ANO8: variants seen among roughly 807,000 people sequenced by gnomAD.
ANO8 encodes anoctamin 8.
Under a neutral mutation model 120.4 loss-of-function variants are expected in ANO8, and 67 were observed. The ratio of observed to expected loss-of-function variants is 0.56; its 90% confidence interval spans 0.46 to 0.68. The LOEUF is 0.68. ANO8 is among the 30% of genes least tolerant of loss of function. The probability of loss-of-function intolerance (pLI) is 0.00; values close to 1 mark genes in which losing one functional copy is unlikely to be tolerated. For synonymous variants in ANO8, 727 were observed against 759.2 expected (o/e 0.96, Z 0.70); for missense variants, 1,526 against 1,737.6 (o/e 0.88, Z 2.16).
chr19:17,331,243 AC>A (rs748423992), intron 6 of ANO8, 28 bp from the exon 7 acceptor site: 3 of 1,613,620 alleles, frequency 1.9e-6, no homozygotes, highest in Non-Finnish European at 2.5e-6. Flanking sequence ...GGTCTCAGTC[AC>A]CCCCTGCCTG....
chr19:17,325,636 T>C (rs1484009014), intron 16 of ANO8, among the ~76,000 whole-genome samples: 1 of 152,234 alleles, frequency 6.6e-6, no homozygotes, highest in East Asian at 1.9e-4. Flanking sequence ...GAGGCTTAAA[T>C]GCTTATTGGG....
In ANO8 at chr19:17,333,065, C is replaced by T; in HGVS notation, c.489+36G>A. 7 of 1,613,956 alleles carry T rather than the reference C, an allele frequency of 4.3e-6. No individual in the cohort carries two copies. Among genetic ancestry groups the T allele is most frequent in the South Asian group, 1.1e-5 (1 of 91,082 alleles). On this transcript the variant is annotated intron_variant, in intron 4 of 17. Coordinates refer to ENST00000159087, the MANE Select transcript of ANO8 (RefSeq NM_020959.3). The surrounding 1 kb of genome is among the most constrained non-coding windows in gnomAD (Gnocchi z 7.2). ...GGCGTGAGCTCAGGGAACTCATAGG[C>T]ACAGGATGCATGCGGGGGCCCAGAG... is the stretch of plus-strand genomic sequence containing the variant.
chr19:17,324,896 G>C lies in ANO8; in HGVS notation c.3152C>G (p.Ala1051Gly). 6.2e-7 allele frequency: 1 copy of C among 1,613,464 alleles called. No individual in the cohort carries two copies. Among genetic ancestry groups the C allele is most frequent in the Non-Finnish European group, 8.5e-7 (1 of 1,179,866 alleles). The part of the protein sequence containing the change: ...RSHSPPKAFH[A>G]GKLFPFGGTR... ...GCCACCAAAGGGGAAGAGCTTGCCA[G>C]CATGGAAGGCTTTGGGCGGTGAGTG... The change falls in exon 17 of 18, where the codon GCT becomes GGT. Residue 1051 changes from alanine to glycine, a missense_variant. Ala to Gly is a moderately conservative substitution (Grantham distance 60). This residue lies in a region of ANO8 where 489 missense variants were observed against 548.6 expected (regional missense o/e 0.89). Transcript: ENST00000159087.
In ANO8 at chr19:17,331,314, C is replaced by T. The variant is rs1272013180; in HGVS notation, c.684G>A (p.Val228=). 1 of 1,614,172 alleles carries T rather than the reference C, an allele frequency of 6.2e-7. No individual in the cohort carries two copies. Among genetic ancestry groups the T allele is most frequent in the Non-Finnish European group, 8.5e-7 (1 of 1,180,032 alleles). Reference sequence around the variant, plus strand: ...CAGCACCTAGAGGCTGGTTTTCACACACGGCCTGCACCCATGACTTCATGA... The same window carrying T: ...CAGCACCTAGAGGCTGGTTTTCACATACGGCCTGCACCCATGACTTCATGA... ...NRLMKSWVQA[V]CENQPLDDIC... Residue 228 remains valine, a synonymous_variant, in exon 6 of 18, where the codon GTG becomes GTA. Transcript: ENST00000159087.
At position 17,333,613 on chromosome 19, in the gene ANO8, G is replaced by A. The variant is rs1318566915; in HGVS notation, c.218-59C>T. The A allele has an allele frequency of 2.6e-6, 4 of 1,538,016 alleles. No homozygotes were observed. The highest frequency in any genetic ancestry group is 1.5e-5 in the African/African-American group (1 of 65,262). ...CACGAGGGGGCCCAAGGCCTCCTACGTATTCCCGTTCTGGGAAGCCGAGCT... is the reference window on the plus strand; with the variant it reads ...CACGAGGGGGCCCAAGGCCTCCTACATATTCCCGTTCTGGGAAGCCGAGCT... On this transcript the variant is annotated intron_variant, in intron 2 of 17. Coordinates refer to ENST00000159087, the MANE Select transcript of ANO8 (RefSeq NM_020959.3). The surrounding 1 kb of genome is among the most constrained non-coding windows in gnomAD (Gnocchi z 7.2).
Position 17,333,955 on chromosome 19 carries a change from A to C in ANO8, c.107-155T>G, listed in dbSNP as rs981866532. Among the ~76,000 whole-genome samples the C allele has an allele frequency of 6.6e-6, 1 of 151,822 alleles. No individual in the cohort carries two copies. The highest frequency in any genetic ancestry group is 1.5e-5 in the Non-Finnish European group (1 of 67,950). On this transcript the variant is annotated intron_variant, in intron 1 of 17. Transcript: ENST00000159087. The surrounding 1 kb of genome is among the most constrained non-coding windows in gnomAD (Gnocchi z 7.2). ...GGGCTTGGCTTATTTTCCTCCCTCC[A>C]CGTCCTTGTACCAGCCAGGCCTTCC...
Position 17,330,462 on chromosome 19 carries a change from A to G in ANO8, c.1036T>C (p.Tyr346His), listed in dbSNP as rs1157447524. The G allele has an allele frequency of 4.5e-6, 7 of 1,561,248 alleles. No homozygotes were observed. Among genetic ancestry groups the G allele is most frequent in the Non-Finnish European group, 6.1e-6 (7 of 1,153,034 alleles). Reference protein sequence around the residue: ...ISPITRAEEFYYPPWKRLLFQ... With the variant: ...ISPITRAEEFHYPPWKRLLFQ... ...AGCAGCCGCTTCCAGGGCGGGTAGT[A>G]GAACTCCTCGGCCCGCGTGATGGGG... Residue 346 changes from tyrosine to histidine, a missense_variant, in exon 9 of 18, where the codon TAC becomes CAC. Physicochemically the swap from Tyr to His is moderately conservative, Grantham distance 83. Around this residue, in one of 8 missense-constraint regions of ANO8, gnomAD observed 4 missense variants for 16.2 expected, o/e 0.25. Transcript: ENST00000159087.
rs1190811139 is a variant in ANO8, at chr19:17,327,248, C to T, written c.2648G>A (p.Arg883His). ...TGGCCCCCCTACCTTAAAGGCCTCG[C>T]GGCGCTGGTACTCCAGCTTGGCCAT... is the stretch of plus-strand genomic sequence containing the variant. ...EEMAKLEYQRREAFKRHERQA... is the reference protein window; with the variant it reads ...EEMAKLEYQRHEAFKRHERQA... The change falls in exon 16 of 18, where the codon CGC (arginine) becomes CAC (histidine). Residue 883 changes from arginine (R) to histidine (H), a missense_variant. This residue lies in a region of ANO8 where 489 missense variants were observed against 548.6 expected (regional missense o/e 0.89). Coordinates refer to ENST00000159087, the MANE Select transcript of ANO8 (RefSeq NM_020959.3). 2 of 1,544,784 alleles carry T rather than the reference C, an allele frequency of 1.3e-6. No individual in the cohort carries two copies. Among genetic ancestry groups the T allele is most frequent in the Non-Finnish European group, 1.7e-6 (2 of 1,143,556 alleles).
At chr19:17,323,964 C>T in intron 17 of ANO8, 80 bp from the exon 18 acceptor site, 1 of 1,054,960 alleles carries the variant, frequency 9.5e-7, no homozygotes, top group Non-Finnish European at 1.1e-6. Context: ...GCCCGCGCTC[C>T]CTCCCGGGCA....
rs189385312 is a variant in ANO8, at chr19:17,329,138, G to A, written c.1405-155C>T. 2.6e-5 allele frequency: 15 copies of A among 567,986 alleles called. No homozygotes were observed. In the Admixed American group the frequency reaches 3.7e-4, roughly 14 times the overall value. 35.2% of individuals were successfully genotyped at this position (567,986 alleles called of 1,614,324 possible). ...TCCGCTGCTTTGGACGCGCCTCGAC[G>A]CGAGGCCCCCAGCGCTCAGCCACAA... On this transcript the variant is annotated intron_variant, in intron 12 of 17. Coordinates refer to ENST00000159087, the MANE Select transcript of ANO8 (RefSeq NM_020959.3).
Position 17,328,917 on chromosome 19 carries a change from G to C in ANO8, c.1471C>G (p.Leu491Val), listed in dbSNP as rs772636728. The C allele has an allele frequency of 1.3e-6, 2 of 1,513,194 alleles. No homozygotes were observed. The allele number at this position is 1,513,194 out of a possible 1,614,324, so 93.7% of individuals were successfully genotyped here. A position where few individuals can be genotyped will look rare whatever the true frequency, so the allele number is the denominator to read the frequency against. The stretch of plus-strand genomic sequence containing the variant: ...TCGCCGCGGCCCAGGCGCCGGTACA[G>C]GTGCGGCTGCAGGACCTCGCGCACG... The part of the protein sequence containing the change: ...QNVREVLQPH[L>V]YRRLGRGELG... Residue 491 changes from leucine (L) to valine (V), a missense_variant, in exon 13 of 18, where the codon CTG becomes GTG. By Grantham distance (32) the Leu-to-Val change is conservative. Around this residue, in one of 8 missense-constraint regions of ANO8, gnomAD observed 467 missense variants for 425.8 expected, o/e 1.10. Transcript: ENST00000159087.
At chr19:17,334,434 G>GC (rs1365407599) in intron 1 of ANO8, 131 bp downstream of exon 1, 5 of 840,260 alleles carry the variant, frequency 6.0e-6, no homozygotes, top group Non-Finnish European at 9.0e-6. Flanking sequence ...CAGCCGCAGT[G>GC]CCGGGAGGAG....
chr19:17,327,383 C>T (rs763978088), intron 15 of ANO8, 38 bp from the exon 16 acceptor site: 163 of 1,552,644 alleles, frequency 1.0e-4, no homozygotes, highest in Non-Finnish European at 1.4e-4. Flanking sequence ...AGGCTGCAGA[C>T]GCTGGGGCCG....
At chr19:17,329,432 A>G (rs1054545856) in intron 12 of ANO8, 8 of 409,632 alleles carry the variant, frequency 2.0e-5, no homozygotes, top group African/African-American at 1.6e-4. Flanking sequence ...CGCGAGCAGG[A>G]GGCCCCGGAG....
Position 17,333,475 on chromosome 19 carries a change from G to C in ANO8, c.297C>G (p.Arg99=). ...VGIPELIVQV[R]HHRHTRAYAF... ...CGTAGGCACGCGTGTGGCGGTGGTG[G>C]CGGACTTGCACGATGAGCTCGGGAA... The change falls in exon 3 of 18, where the codon CGC becomes CGG. Residue 99 remains arginine (R), a synonymous_variant. Transcript: ENST00000159087. The surrounding 1 kb of genome is among the most constrained non-coding windows in gnomAD (Gnocchi z 7.2). The C allele has an allele frequency of 6.2e-7, 1 of 1,613,350 alleles. No individual in the cohort carries two copies. Among genetic ancestry groups the C allele is most frequent in the Non-Finnish European group, 8.5e-7 (1 of 1,179,996 alleles).
chr19:17,325,256 C>T lies in ANO8; in HGVS notation c.2792G>A (p.Arg931Lys). 1 of 1,608,686 alleles carries T rather than the reference C, an allele frequency of 6.2e-7. No homozygotes were observed. The highest frequency in any genetic ancestry group is 1.1e-5 in the South Asian group (1 of 91,056). Residue 931 changes from arginine to lysine, a missense_variant, in exon 17 of 18, where the codon AGG becomes AAG. Around this residue, in one of 8 missense-constraint regions of ANO8, gnomAD observed 489 missense variants for 548.6 expected, o/e 0.89. Coordinates refer to ENST00000159087, the MANE Select transcript of ANO8 (RefSeq NM_020959.3). ...EHDSGGREEA[R>K]AEGSGLDPAT... is the part of the protein sequence containing the mutation. ...AGGGTCCAGCCCAGAGCCCTCGGCC[C>T]TCGCCTCCTCTCGGCCACCAGAATC...
rs544960023 is a variant in ANO8 at position 17,330,501 on chromosome 19, C to A, written c.997G>T (p.Val333Leu). Residue 333 changes from valine to leucine, a missense_variant, in exon 9 of 18, where the codon GTG becomes TTG. Physicochemically the swap from Val to Leu is conservative, Grantham distance 32. Coordinates refer to ENST00000159087, the MANE Select transcript of ANO8 (RefSeq NM_020959.3). ...CGCGTGATGGGGCTGATACGTCGCA[C>A]GCCCTGATGGTGGGCAAAGACCGGG... ...VEEPRPQFRG[V>L]RRISPITRAE... The A allele has an allele frequency of 1.3e-5, 20 of 1,522,016 alleles. No individual in the cohort carries two copies. In the South Asian group the frequency reaches 2.2e-4, roughly 16 times the overall value. The allele number at this position is 1,522,016 out of a possible 1,614,324, so 94.3% of individuals were successfully genotyped here. A position where few individuals can be genotyped will look rare whatever the true frequency, so the allele number is the denominator to read the frequency against.
rs2074304485 is a variant in ANO8 at position 17,329,962 on chromosome 19, G to T, written c.1326C>A (p.Val442=). 1 of 1,613,922 alleles carries T rather than the reference G, an allele frequency of 6.2e-7. No homozygotes were observed. The highest frequency in any genetic ancestry group is 1.7e-5 in the Admixed American group (1 of 59,994). ...CTGTCCGATGGTGGTGACTCACCAGGACAACTTTGATGATGAGGTGCTTCT... is the reference window on the plus strand; with the variant it reads ...CTGTCCGATGGTGGTGACTCACCAGTACAACTTTGATGATGAGGTGCTTCT... The part of the protein sequence containing the change: ...AYEKHLIIKV[V]LFQFVNSYLS... Residue 442 remains valine (V), a synonymous_variant, in exon 11 of 18, where the codon GTC becomes GTA. Coordinates refer to ENST00000159087, the MANE Select transcript of ANO8 (RefSeq NM_020959.3).
At position 17,328,531 on chromosome 19, in the gene ANO8, G is replaced by A. The variant is rs374436675; in HGVS notation, c.1857C>T (p.Phe619=). 2,100 of 1,550,268 alleles carry A rather than the reference G, an allele frequency of 1.4e-3. 6 individuals carry two copies. Among genetic ancestry groups the A allele is most frequent in the South Asian group, 3.2e-3 (272 of 84,234 alleles). ...DCGLRLKKVS[F]AERGAGRRRP... ...GACGCCGCCCCGCGCCGCGCTCAGC[G>A]AAGCTGACCTTCTTCAGCCGGAGCC... The change falls in exon 13 of 18, where the codon TTC becomes TTT. Residue 619 remains phenylalanine, a synonymous_variant. Transcript: ENST00000159087.
Sources: allele counts gnomAD v4.1 joint callset (sites outside exome capture counted in the v4.1 genomes callset), GRCh38; gene constraint gnomAD v4.1.1; regional missense constraint gnomAD v4.1.1; non-coding constraint Gnocchi (gnomAD v3.1); transcripts MANE v1.5; gene names NCBI Gene and HGNC (gene_info 2026-07-23, HGNC 2026-07-21).